COL19A1: variants seen among roughly 807,000 people sequenced by gnomAD.
COL19A1 encodes the protein collagen type XIX alpha 1 chain.
COL19A1 carries 159 observed loss-of-function variants against 190.2 expected under a neutral mutation model. The observed-to-expected ratio is 0.84, with a 90% CI of 0.73 to 0.95. COL19A1 has a LOEUF of 0.95. Among genes scored for constraint, COL19A1 ranks in the 40% least tolerant of loss-of-function variants. COL19A1 has a pLI of 0.00. For missense variants in COL19A1, 1,418 were observed against 1,431.9 expected, an observed-to-expected ratio of 0.99 and a Z score of 0.16; for synonymous variants, 509 against 458.9, an observed-to-expected ratio of 1.11 and a Z score of -1.39.
At position 70,208,726 on chromosome 6, in the gene COL19A1, G is replaced by A. The variant is rs1033586429; in HGVS notation, c.*1452G>A. On this transcript the variant is annotated 3_prime_UTR_variant, in exon 51 of 51. Transcript: ENST00000620364. ...GCAGATTTCAATTTGGCTAAAACAG[G>A]ATGATTGCTTTTGTCTGTTTACTGA... 2.0e-5 allele frequency: 3 copies of A among 152,608 alleles called. No homozygotes were observed. The highest frequency in any genetic ancestry group is 4.4e-5 in the Non-Finnish European group (3 of 68,038). The allele number at this position is 152,608 out of a possible 1,614,324, so 9.5% of individuals were successfully genotyped here. A position where few individuals can be genotyped will look rare whatever the true frequency, so the allele number is the denominator to read the frequency against.
intron 4 of COL19A1, among the ~76,000 whole-genome samples, chr6:69,917,776 G>T (rs1771406848): frequency 6.6e-6 from 1 of 152,064 alleles, no homozygotes; most frequent in South Asian, 2.1e-4. Context: ...AAGAAGAATT[G>T]TCTTGGACCA....
intron 4 of COL19A1, among the ~76,000 whole-genome samples, chr6:69,920,692 T>C (rs2149997896): frequency 6.6e-6 from 1 of 152,068 alleles, no homozygotes; most frequent in East Asian, 1.9e-4. Context: ...CCCATGAATA[T>C]CTAGATGACC....
At chr6:70,008,136 A>G (rs9346367) in intron 11 of COL19A1, among the ~76,000 whole-genome samples, 16,005 of 151,946 alleles carry the variant, frequency 0.11, 992 homozygotes, top group East Asian at 0.29. Flanking sequence ...TGGAAAAAAG[A>G]GCATATCAAT....
intron 16 of COL19A1, among the ~76,000 whole-genome samples, chr6:70,110,695 T>C (rs901897149): frequency 6.6e-6 from 1 of 152,194 alleles, no homozygotes; most frequent in South Asian, 2.1e-4. Flanking sequence ...TATTTTCTAA[T>C]TATTTCTCTT....
intron 1 of COL19A1, among the ~76,000 whole-genome samples, chr6:69,869,666 G>T (rs993952370): frequency 6.6e-6 from 1 of 152,212 alleles, no homozygotes; most frequent in African/African-American, 2.4e-5. Context: ...AACAGAGCAA[G>T]AGAATTGTAA....
intron 2 of COL19A1, among the ~76,000 whole-genome samples, chr6:69,894,943 G>A (rs930140424): frequency 1.3e-5 from 2 of 152,238 alleles, no homozygotes; most frequent in African/African-American, 4.8e-5. Flanking sequence ...CTTAACTGCT[G>A]ATGGAGTGGA....
At chr6:70,145,722 C>CTTTCTT (rs1412323984) in intron 25 of COL19A1, among the ~76,000 whole-genome samples, 2 of 128,172 alleles carry the variant, frequency 1.6e-5, no homozygotes, top group African/African-American at 2.9e-5. Flanking sequence ...CTTATTGTTT[C>CTTTCTT]TTTTTTTTTT....
At chr6:69,974,641 A>G (rs972980644) in intron 11 of COL19A1, among the ~76,000 whole-genome samples, 3 of 152,116 alleles carry the variant, frequency 2.0e-5, no homozygotes, top group Non-Finnish European at 4.4e-5. Context: ...ATTAATGTTT[A>G]TAACAGACAA....
At chr6:70,071,220 A>G (rs757018608) in intron 15 of COL19A1, among the ~76,000 whole-genome samples, 1 of 151,766 alleles carries the variant, frequency 6.6e-6, no homozygotes, top group Non-Finnish European at 1.5e-5. Context: ...TAATATTGCT[A>G]TTATTATTAT....
chr6:70,040,227 T>G (rs1314963586), intron 14 of COL19A1, among the ~76,000 whole-genome samples: 1 of 152,170 alleles, frequency 6.6e-6, no homozygotes, highest in Admixed American at 6.5e-5. Context: ...TTATACTTTC[T>G]TTTATAACTC....
In COL19A1 at chr6:70,188,397, G is replaced by A. The variant is rs58906019; in HGVS notation, c.3027+152G>A. 1,617 of 900,840 alleles carry A rather than the reference G, an allele frequency of 1.8e-3. 14 individuals carry two copies. The African/African-American group carries it at 0.025, about 14-fold the overall frequency. The allele number at this position is 900,840 out of a possible 1,614,324, so 55.8% of individuals were successfully genotyped here. A position where few individuals can be genotyped will look rare whatever the true frequency, so the allele number is the denominator to read the frequency against. ...TAATAGCTGTCATTTAAAGTTATGTGCCAGATCCTCTACTAAGCACTTACT... is the reference window on the plus strand; with the variant it reads ...TAATAGCTGTCATTTAAAGTTATGTACCAGATCCTCTACTAAGCACTTACT... On this transcript the variant is annotated intron_variant, in intron 47 of 50. Transcript: ENST00000620364.
intron 11 of COL19A1, among the ~76,000 whole-genome samples, chr6:70,002,823 C>CA (rs1288216330): frequency 1.4e-5 from 2 of 142,360 alleles, no homozygotes; most frequent in Non-Finnish European, 3.1e-5. Context: ...TTTTTTTCCT[C>CA]AAAAAAGCAG....
intron 48 of COL19A1, among the ~76,000 whole-genome samples, chr6:70,192,589 G>GA (rs35944407): frequency 0.37 from 55,570 of 151,462 alleles, 10,345 homozygotes; most frequent in Middle Eastern, 0.48. Flanking sequence ...CAGGAAGTTT[G>GA]AAAAAAAGGC....
chr6:69,902,519 A>G (rs917779606), intron 4 of COL19A1, among the ~76,000 whole-genome samples: 1 of 152,172 alleles, frequency 6.6e-6, no homozygotes, highest in African/African-American at 2.4e-5. Context: ...TCCACAACCC[A>G]GGTACTAACA....
intron 11 of COL19A1, among the ~76,000 whole-genome samples, chr6:69,970,579 T>C (rs1473592838): frequency 6.6e-6 from 1 of 152,208 alleles, no homozygotes. Flanking sequence ...TTATGCCTAT[T>C]ATTTAAAACT....
intron 9 of COL19A1, among the ~76,000 whole-genome samples, chr6:69,954,250 A>G (rs1205201620): frequency 6.6e-6 from 1 of 152,032 alleles, no homozygotes; most frequent in Non-Finnish European, 1.5e-5. Flanking sequence ...TATATCACCA[A>G]TGTAGAGTGT....
At chr6:69,982,026 GATTGTTGCCATC>G (rs1342682462) in intron 11 of COL19A1, among the ~76,000 whole-genome samples, 1 of 152,080 alleles carries the variant, frequency 6.6e-6, no homozygotes, top group African/African-American at 2.4e-5. Flanking sequence ...ATAATGCCAG[GATTGTTGCCATC>G]ATTGTTGCCA....
rs552700269 is a variant in COL19A1, at chr6:70,171,548, G to A, written c.2569-416G>A. ...ACTTAAAGATGATAAACACTGCTTT[G>A]AGTGCTCCATCTTCATCTACTCTTA... is the stretch of plus-strand genomic sequence containing the variant. On this transcript the variant is annotated intron_variant, in intron 40 of 50. Transcript: ENST00000620364. Among the ~76,000 whole-genome samples the A allele has an allele frequency of 7.6e-4, 116 of 152,240 alleles. 2 individuals carry two copies. Among genetic ancestry groups the A allele is most frequent in the Non-Finnish European group, 1.9e-4 (13 of 68,010 alleles).
intron 2 of COL19A1, among the ~76,000 whole-genome samples, chr6:69,888,777 CAAAAAAAA>C (rs35211332): frequency 7.9e-6 from 1 of 126,190 alleles, no homozygotes. Flanking sequence ...GACTCTAGCT[CAAAAAAAA>C]AAAAAAAAAA....
Sources: gnomAD v4.1 joint callset for allele counts (sites outside exome capture counted in the v4.1 genomes callset) on GRCh38, gnomAD v4.1.1 for gene constraint, MANE v1.5 for transcripts, NCBI Gene and HGNC (gene_info 2026-07-23, HGNC 2026-07-21) for gene names.